HARS1: variants seen among roughly 807,000 people sequenced by gnomAD.
HARS1 encodes histidyl-tRNA synthetase 1, also known as histidine--tRNA ligase, cytoplasmic.
Under a neutral mutation model 63.6 loss-of-function variants are expected in HARS1, and 45 were observed. That is an observed-to-expected ratio of 0.71 (90% confidence interval 0.56 to 0.91). The LOEUF is 0.91. HARS1 is among the 40% of genes least tolerant of loss of function. The pLI is 0.00. For missense variants in HARS1, 508 were observed against 643.2 expected, an observed-to-expected ratio of 0.79 and a Z score of 2.27; for synonymous variants, 205 against 247.1, an observed-to-expected ratio of 0.83 and a Z score of 1.60.
intron 2 of HARS1, chr5:140,687,410 G>C (rs1297342481): frequency 6.6e-6 from 1 of 151,944 alleles, no homozygotes; most frequent in Non-Finnish European, 1.5e-5. Context: ...GCTGCATGTG[G>C]TGGTACCCGC....
At position 140,675,026 on chromosome 5, in the gene HARS1, A is replaced by T. The variant is rs757445475; in HGVS notation, c.1302T>A (p.Ala434=). 6.2e-7 allele frequency: 1 copy of T among 1,608,172 alleles called. No individual in the cohort carries two copies. The highest frequency in any genetic ancestry group is 2.2e-5 in the East Asian group (1 of 44,848). The change falls in exon 11 of 13, where the codon GCT becomes GCA. Residue 434 remains alanine (A), a synonymous_variant. Coordinates refer to ENST00000504156, the MANE Select transcript of HARS1 (RefSeq NM_002109.6). ...RLKLVSELWD[A]GIKAELLYKK... ...GGCTTGCCTCCCATACCTTGATCCC[A>T]GCATCCCACAGTTCTGAGACAAGCT...
Position 140,676,719 on chromosome 5 carries a change from C to A in HARS1, c.1129G>T (p.Val377Leu), listed in dbSNP as rs1236403537. 2 of 1,614,114 alleles carry A rather than the reference C, an allele frequency of 1.2e-6. No homozygotes were observed. The highest frequency in any genetic ancestry group is 1.7e-6 in the Non-Finnish European group (2 of 1,180,054). The change falls in exon 10 of 13, where the codon GTG becomes TTG. Residue 377 changes from valine (V) to leucine (L), a missense_variant. Transcript: ENST00000504156. This position sits in a 1 kb window ranked among gnomAD's most constrained non-coding sequence, Gnocchi z 4.1. ...CCAATGCTGAGCCCCACACATGGCACCTTGCGCCCTTTGGGGTCGAACATG... is the reference window on the plus strand; with the variant it reads ...CCAATGCTGAGCCCCACACATGGCAACTTGCGCCCTTTGGGGTCGAACATG... Reference protein sequence around the residue: ...VGMFDPKGRKVPCVGLSIGVE... With the variant: ...VGMFDPKGRKLPCVGLSIGVE...
Position 140,690,899 on chromosome 5 carries a change from C to A in HARS1, c.136G>T (p.Gly46Cys). Residue 46 changes from glycine (G) to cysteine (C), a missense_variant, in exon 2 of 13, where the codon GGT (glycine) becomes TGT (cysteine). This residue lies in a region of HARS1 where 105 missense variants were observed against 94.5 expected (regional missense o/e 1.11). Coordinates refer to ENST00000504156, the MANE Select transcript of HARS1 (RefSeq NM_002109.6). ...AKLLKLKAQL[G>C]PDESKQKFVL... ...AATTTCTGTTTGCTTTCATCAGGAC[C>A]CAGCTGTGCCTTCAGTTTCAGGAGT... 2 of 1,611,160 alleles carry A rather than the reference C, an allele frequency of 1.2e-6. No individual in the cohort carries two copies. The highest frequency in any genetic ancestry group is 1.7e-6 in the Non-Finnish European group (2 of 1,177,312).
chr5:140,680,894 C>T (rs1408589206), intron 3 of HARS1, among the ~76,000 whole-genome samples: 2 of 145,476 alleles, frequency 1.4e-5, no homozygotes, highest in African/African-American at 4.9e-5. Context: ...AGGTATATAG[C>T]TCTTTTTTTT....
intron 2 of HARS1, among the ~76,000 whole-genome samples, chr5:140,686,311 C>T (rs1759026677): frequency 6.6e-6 from 1 of 152,126 alleles, no homozygotes. Context: ...GTGTTCTCGG[C>T]TCACTGCAAC....
Position 140,679,210 on chromosome 5 carries a change from A to C in HARS1, c.397-83T>G. 1.4e-6 allele frequency: 2 copies of C among 1,400,668 alleles called. No individual in the cohort carries two copies. Among genetic ancestry groups the C allele is most frequent in the South Asian group, 1.2e-5 (1 of 81,898 alleles). 86.8% of individuals were successfully genotyped at this position (1,400,668 alleles called of 1,614,324 possible). On this transcript the variant is annotated intron_variant, in intron 4 of 12. Transcript: ENST00000504156. This position sits in a 1 kb window ranked among gnomAD's most constrained non-coding sequence, Gnocchi z 4.3. ...CATCACCAACAGAAGCTGGGGTCTA[A>C]CCCCTCCCTATGTGGGTAAAACTGC...
intron 10 of HARS1, 50 bp from the exon 11 acceptor site, chr5:140,675,183 A>G (rs746922600): frequency 8.5e-7 from 1 of 1,182,458 alleles, no homozygotes; most frequent in South Asian, 1.2e-5. Context: ...TTCAAGGAGC[A>G]AACAAAGCAG....
chr5:140,678,984 C>T lies in HARS1; in HGVS notation c.522+18G>A, dbSNP rs745725598. The T allele has an allele frequency of 1.4e-5, 22 of 1,612,350 alleles. No individual in the cohort carries two copies. The highest frequency in any genetic ancestry group is 1.1e-4 in the South Asian group (10 of 90,892). ...GCCCCAAGTAACTCATCCTGCCCCACGGTTTCCCAACACTCACACACTGGT... is the reference window on the plus strand; with the variant it reads ...GCCCCAAGTAACTCATCCTGCCCCATGGTTTCCCAACACTCACACACTGGT... On this transcript the variant is annotated intron_variant, in intron 5 of 12. Transcript: ENST00000504156.
chr5:140,689,727 AG>A (rs961402706), intron 2 of HARS1, among the ~76,000 whole-genome samples: 2 of 152,220 alleles, frequency 1.3e-5, no homozygotes, highest in African/African-American at 4.8e-5. Context: ...TCTCAGTCTC[AG>A]GGTAAATAAA....
At chr5:140,683,443 G>A in intron 2 of HARS1, 1 of 1,015,542 alleles carries the variant, frequency 9.8e-7, no homozygotes, top group Non-Finnish European at 1.3e-6. Context: ...TTTAAGTTTG[G>A]GTCTATTTTC....
intron 8 of HARS1, 94 bp from the exon 9 acceptor site, chr5:140,677,210 T>G: frequency 7.0e-7 from 1 of 1,429,800 alleles, no homozygotes; most frequent in South Asian, 1.1e-5. Context: ...CCCATGCATG[T>G]GTGTGTACAT....
In HARS1 at chr5:140,675,406, A is replaced by AC. The variant is rs1758305794; in HGVS notation, c.1195-274dup. 1.0e-5 allele frequency: 3 copies of AC among 289,484 alleles called. No homozygotes were observed. The South Asian group carries it at 1.5e-4, about 15-fold the overall frequency. 17.9% of individuals were successfully genotyped at this position (289,484 alleles called of 1,614,324 possible). A position where few individuals can be genotyped will look rare whatever the true frequency, so the allele number is the denominator to read the frequency against. ...AACTTCAAGCTTATCTCCATGTAGT[A>AC]CCTTTTTTTTTTTTTTGAGACAGGG... On this transcript the variant is annotated intron_variant, in intron 10 of 12. Coordinates refer to ENST00000504156, the MANE Select transcript of HARS1 (RefSeq NM_002109.6).
Position 140,676,597 on chromosome 5 carries a change from A to ATC in HARS1, c.1194+56_1194+57insGA. ...CACCACTTGCTCCCTTGGAGATCAGATAGCTTAGGTGCCACCACCTGCTCA... is the reference window on the plus strand; with the variant it reads ...CACCACTTGCTCCCTTGGAGATCAGATCTAGCTTAGGTGCCACCACCTGCTCA... On this transcript the variant is annotated intron_variant, in intron 10 of 12. Coordinates refer to ENST00000504156, the MANE Select transcript of HARS1 (RefSeq NM_002109.6). The surrounding 1 kb of genome is among the most constrained non-coding windows in gnomAD (Gnocchi z 4.1). 1.3e-6 allele frequency: 2 copies of ATC among 1,570,820 alleles called. No individual in the cohort carries two copies. The highest frequency in any genetic ancestry group is 2.7e-5 in the African/African-American group (2 of 74,208).
At position 140,676,654 on chromosome 5, in the gene HARS1, C is replaced by T; in HGVS notation, c.1194G>A (p.Glu398=). Residue 398 remains glutamate (E), a splice_region_variant and synonymous_variant, in exon 10 of 13, where the codon GAG becomes GAA. Transcript: ENST00000504156. The surrounding 1 kb of genome is among the most constrained non-coding windows in gnomAD (Gnocchi z 4.1). ...CTTCTACCTACCTCCTAGGACCTACCTCTAGTCTCTGTTCCACGATGGAGA... is the reference window on the plus strand; with the variant it reads ...CTTCTACCTACCTCCTAGGACCTACTTCTAGTCTCTGTTCCACGATGGAGA... ...RIFSIVEQRL[E]ALEEKIRTTE... is the part of the protein sequence containing the mutation. The T allele has an allele frequency of 6.2e-7, 1 of 1,614,118 alleles. No individual in the cohort carries two copies. Among genetic ancestry groups the T allele is most frequent in the Non-Finnish European group, 8.5e-7 (1 of 1,179,950 alleles).
chr5:140,688,512 A>C (rs1470870752), intron 2 of HARS1, among the ~76,000 whole-genome samples: 4 of 152,172 alleles, frequency 2.6e-5, no homozygotes, highest in African/African-American at 7.2e-5. Flanking sequence ...TCTTTATTAT[A>C]ACTAACAAAA....
chr5:140,679,774 G>C lies in HARS1; in HGVS notation c.396+14C>G, dbSNP rs1319381924. 6.8e-7 allele frequency: 1 copy of C among 1,461,706 alleles called. No homozygotes were observed. Among genetic ancestry groups the C allele is most frequent in the Admixed American group, 1.7e-5 (1 of 57,372 alleles). 90.5% of individuals were successfully genotyped at this position (1,461,706 alleles called of 1,614,324 possible). A position where few individuals can be genotyped will look rare whatever the true frequency, so the allele number is the denominator to read the frequency against. On this transcript the variant is annotated intron_variant, in intron 4 of 12. Transcript: ENST00000504156. The surrounding 1 kb of genome is among the most constrained non-coding windows in gnomAD (Gnocchi z 4.3). ...TCCATCCAAAGTCTCAAGAGCCCAA[G>C]TTTAGAAAGATACAGTGAGGTCATA... is the stretch of plus-strand genomic sequence containing the variant.
At chr5:140,685,662 A>T (rs1402833776) in intron 2 of HARS1, among the ~76,000 whole-genome samples, 1 of 150,688 alleles carries the variant, frequency 6.6e-6, no homozygotes, top group Non-Finnish European at 1.5e-5. Context: ...TGGAGGCTGC[A>T]GTGAGCCAAG....
chr5:140,690,758 G>C (rs1315194103), intron 2 of HARS1, 97 bp downstream of exon 2: 3 of 784,732 alleles, frequency 3.8e-6, no homozygotes, highest in Non-Finnish European at 6.9e-6. Context: ...CAGCATTTCA[G>C]ATCCTCCTCA....
rs1445020480 is a variant in HARS1 at position 140,679,818 on chromosome 5, C to T, written c.366G>A (p.Gly122=). The T allele has an allele frequency of 1.2e-6, 2 of 1,608,772 alleles. No individual in the cohort carries two copies. Among genetic ancestry groups the T allele is most frequent in the South Asian group, 2.2e-5 (2 of 90,938 alleles). The stretch of plus-strand genomic sequence containing the variant: ...GGTCATAGCGAAGGGACAGGAGCTC[C>T]CCGCCCTGGTCCTTCAGGTCATAGA... The part of the protein sequence containing the change: ...KLIYDLKDQG[G]ELLSLRYDLT... Residue 122 remains glycine (G), a synonymous_variant, in exon 4 of 13, where the codon GGG becomes GGA. Transcript: ENST00000504156. The surrounding 1 kb of genome is among the most constrained non-coding windows in gnomAD (Gnocchi z 4.3).
Sources: gnomAD v4.1 joint callset for allele counts (sites outside exome capture counted in the v4.1 genomes callset) on GRCh38, gnomAD v4.1.1 for gene constraint, gnomAD v4.1.1 regional missense constraint, Gnocchi (gnomAD v3.1) non-coding constraint, MANE v1.5 for transcripts, NCBI Gene and HGNC (gene_info 2026-07-23, HGNC 2026-07-21) for gene names.